Variants in ENOX1 observed in about 807,000 individuals in gnomAD.
The protein encoded by ENOX1 is ecto-NOX disulfide-thiol exchanger 1.
A neutral mutation model predicts 82.5 loss-of-function variants in ENOX1; 42 were observed. That is an observed-to-expected ratio of 0.51 (90% CI 0.40 to 0.66). The LOEUF is 0.66. Among genes scored for constraint, ENOX1 ranks in the 30% least tolerant of loss-of-function variants. The pLI is 0.00. For synonymous variants in ENOX1, 271 were observed against 282.2 expected (o/e 0.96, Z 0.40); for missense variants, 608 against 811.6 (o/e 0.75, Z 3.05).
At chr13:43,491,301 C>T (rs2076610497) in intron 2 of ENOX1, among the ~76,000 whole-genome samples, 1 of 152,128 alleles carries the variant, frequency 6.6e-6, no homozygotes, top group African/African-American at 2.4e-5. Flanking sequence ...CCATCACCTC[C>T]TACCAGGCCC....
intron 1 of ENOX1, among the ~76,000 whole-genome samples, chr13:43,675,763 T>A (rs542144878): frequency 6.6e-6 from 1 of 152,074 alleles, no homozygotes; most frequent in Non-Finnish European, 1.5e-5. Flanking sequence ...CTGCCGTACA[T>A]CACACCCTCT....
chr13:43,490,689 C>T (rs919389459), intron 2 of ENOX1, among the ~76,000 whole-genome samples: 5 of 152,168 alleles, frequency 3.3e-5, no homozygotes, highest in African/African-American at 4.8e-5. Context: ...TCCTCCCCTC[C>T]GGAATAACCA....
chr13:43,494,830 A>T (rs2076739501), intron 2 of ENOX1, among the ~76,000 whole-genome samples: 1 of 152,222 alleles, frequency 6.6e-6, no homozygotes, highest in African/African-American at 2.4e-5. Flanking sequence ...GGTCAGTTAG[A>T]CAGCAGTGGA....
intron 2 of ENOX1, among the ~76,000 whole-genome samples, chr13:43,597,192 G>C (rs1488537138): frequency 1.3e-5 from 2 of 152,090 alleles, no homozygotes; most frequent in African/African-American, 4.8e-5. Flanking sequence ...AAGAGCAAAG[G>C]GGAAGTCTGC....
At chr13:43,256,761 A>T (rs1033194597) in intron 14 of ENOX1, among the ~76,000 whole-genome samples, 1 of 152,236 alleles carries the variant, frequency 6.6e-6, no homozygotes, top group Non-Finnish European at 1.5e-5. Context: ...GAGTTTCTTC[A>T]GAAAAGTAAA....
intron 16 of ENOX1, among the ~76,000 whole-genome samples, chr13:43,215,513 C>G (rs1185140646): frequency 6.6e-6 from 1 of 152,228 alleles, no homozygotes; most frequent in Non-Finnish European, 1.5e-5. Context: ...TTCATTCTCA[C>G]AGCACTCTGG....
intron 2 of ENOX1, among the ~76,000 whole-genome samples, chr13:43,595,880 G>C (rs767264511): frequency 6.6e-6 from 1 of 152,110 alleles, no homozygotes; most frequent in Non-Finnish European, 1.5e-5. Context: ...GTCATGTTAC[G>C]AGAAAATAAA....
chr13:43,566,705 C>T (rs558338806), intron 2 of ENOX1, among the ~76,000 whole-genome samples: 3 of 151,672 alleles, frequency 2.0e-5, no homozygotes, highest in Admixed American at 2.0e-4. Context: ...TATCTAGTAT[C>T]ATTTGAGAGA....
chr13:43,618,073 T>C (rs887277730), intron 2 of ENOX1, among the ~76,000 whole-genome samples: 1 of 152,200 alleles, frequency 6.6e-6, no homozygotes, highest in Admixed American at 6.6e-5. Flanking sequence ...CACTTTTTGA[T>C]GGGACTGATT....
At chr13:43,686,724 G>A (rs1210739442) in intron 1 of ENOX1, among the ~76,000 whole-genome samples, 2 of 152,136 alleles carry the variant, frequency 1.3e-5, no homozygotes, top group African/African-American at 2.4e-5. Flanking sequence ...TTCCTCCTGT[G>A]TCTCCTTGGG....
At chr13:43,551,646 A>G (rs980033961) in intron 2 of ENOX1, among the ~76,000 whole-genome samples, 1 of 152,208 alleles carries the variant, frequency 6.6e-6, no homozygotes, top group Admixed American at 6.5e-5. Context: ...ACGATGACTG[A>G]AAAGCAAAAG....
intron 15 of ENOX1, among the ~76,000 whole-genome samples, chr13:43,224,563 G>T (rs2041941067): frequency 6.6e-6 from 1 of 152,174 alleles, no homozygotes; most frequent in African/African-American, 2.4e-5. Context: ...CACTGCCTCA[G>T]ATTTTCCTGA....
At chr13:43,626,535 T>C (rs893255004) in intron 2 of ENOX1, among the ~76,000 whole-genome samples, 6 of 151,890 alleles carry the variant, frequency 4.0e-5, no homozygotes, top group African/African-American at 1.4e-4. Flanking sequence ...TATATTTTTA[T>C]GTCCCCGATA....
At chr13:43,426,176 C>T (rs1037784450) in intron 3 of ENOX1, among the ~76,000 whole-genome samples, 8 of 152,130 alleles carry the variant, frequency 5.3e-5, no homozygotes, top group South Asian at 2.1e-4. Context: ...AATGCCATTC[C>T]GTTATTTATT....
At chr13:43,328,277 G>A (rs1044429712) in intron 9 of ENOX1, among the ~76,000 whole-genome samples, 12 of 152,172 alleles carry the variant, frequency 7.9e-5, no homozygotes, top group Admixed American at 5.9e-4. Context: ...TACACAGGCT[G>A]GGATCATTGG....
intron 5 of ENOX1, among the ~76,000 whole-genome samples, chr13:43,391,777 A>G (rs937016921): frequency 6.6e-6 from 1 of 152,068 alleles, no homozygotes; most frequent in African/African-American, 2.4e-5. Context: ...CTCTTAACTG[A>G]TTCTCTTGCT....
chr13:43,764,721 G>A (rs1313368880), intron 1 of ENOX1, among the ~76,000 whole-genome samples: 1 of 151,896 alleles, frequency 6.6e-6, no homozygotes, highest in African/African-American at 2.4e-5. Flanking sequence ...TATCAGCTAA[G>A]AGCTAATATG....
At chr13:43,649,542 C>T (rs1387355975) in intron 2 of ENOX1, among the ~76,000 whole-genome samples, 1 of 152,106 alleles carries the variant, frequency 6.6e-6, no homozygotes, top group East Asian at 1.9e-4. Context: ...AGAGTTCACA[C>T]TTTGATAATT....
intron 1 of ENOX1, among the ~76,000 whole-genome samples, chr13:43,671,381 G>T (rs901738781): frequency 1.4e-4 from 21 of 152,188 alleles, no homozygotes; most frequent in African/African-American, 4.3e-4. Flanking sequence ...GAAAAGAGGT[G>T]CTGCTTTGGG....
Sources: gnomAD v4.1 joint callset for allele counts (sites outside exome capture counted in the v4.1 genomes callset) on GRCh38, gnomAD v4.1.1 for gene constraint, MANE v1.5 for transcripts, NCBI Gene and HGNC (gene_info 2026-07-23, HGNC 2026-07-21) for gene names.